The following PDE4B variants were observed in gnomAD, a reference collection of about 807,000 sequenced individuals.
PDE4B encodes phosphodiesterase 4B.
In PDE4B, 20 loss-of-function variants were observed where a neutral mutation model predicts 82.2. The ratio of observed to expected loss-of-function variants is 0.24; its 90% CI spans 0.17 to 0.35. The LOEUF is 0.35. Ranked by LOEUF, PDE4B falls within the 10% of genes least tolerant of loss-of-function variation. The pLI is 1.00. For synonymous variants in PDE4B, 320 were observed against 318.9 expected (o/e 1.00, Z -0.04); for missense variants, 655 against 907.2 (o/e 0.72, Z 3.57).
intron 3 of PDE4B, among the ~76,000 whole-genome samples, chr1:65,967,859 G>C (rs866202011): frequency 1.3e-5 from 2 of 152,064 alleles, no homozygotes; most frequent in African/African-American, 4.8e-5. Context: ...TCACACACCA[G>C]GGCCTTTCGA....
At chr1:65,852,179 GTTTAA>G (rs1646339509) in intron 1 of PDE4B, among the ~76,000 whole-genome samples, 1 of 151,768 alleles carries the variant, frequency 6.6e-6, no homozygotes, top group Non-Finnish European at 1.5e-5. Context: ...AGTTTTATTG[GTTTAA>G]TTTGTCTGGT....
At chr1:65,880,258 A>G (rs879833273) in intron 1 of PDE4B, among the ~76,000 whole-genome samples, 1 of 152,212 alleles carries the variant, frequency 6.6e-6, no homozygotes, top group Non-Finnish European at 1.5e-5. Flanking sequence ...CAGAATTTAG[A>G]CAAGGGTGAT....
At chr1:66,038,602 GA>G (rs1408211491) in intron 3 of PDE4B, among the ~76,000 whole-genome samples, 1 of 152,118 alleles carries the variant, frequency 6.6e-6, no homozygotes, top group Non-Finnish European at 1.5e-5. Context: ...AATAGGAAAT[GA>G]AGTTGTAGGA....
intron 1 of PDE4B, among the ~76,000 whole-genome samples, chr1:65,822,285 C>A (rs1012827474): frequency 1.3e-5 from 2 of 152,140 alleles, no homozygotes; most frequent in Non-Finnish European, 2.9e-5. Flanking sequence ...TCTTCTCTCC[C>A]GTGAATGGAT....
chr1:65,802,800 A>G (rs569311609), intron 1 of PDE4B, among the ~76,000 whole-genome samples: 2 of 152,266 alleles, frequency 1.3e-5, no homozygotes, highest in East Asian at 3.9e-4. Context: ...TTGTGTCAAG[A>G]GAGCTGACTG....
At chr1:66,125,254 C>T (rs2101091628) in intron 3 of PDE4B, among the ~76,000 whole-genome samples, 1 of 151,462 alleles carries the variant, frequency 6.6e-6, no homozygotes, top group South Asian at 2.1e-4. Flanking sequence ...ACTTCTGTCT[C>T]CTAGGTTCAA....
intron 3 of PDE4B, among the ~76,000 whole-genome samples, chr1:66,085,627 C>T (rs1455147298): frequency 3.3e-5 from 5 of 152,052 alleles, no homozygotes. Context: ...AGAGGGCCCA[C>T]ATGCAGCTAG....
chr1:66,310,062 G>A (rs1044932178), intron 7 of PDE4B, among the ~76,000 whole-genome samples: 1 of 152,138 alleles, frequency 6.6e-6, no homozygotes, highest in Non-Finnish European at 1.5e-5. Flanking sequence ...CAAAATTCAG[G>A]TGTCAAGGGA....
At chr1:66,312,910 C>T (rs1031605899) in intron 7 of PDE4B, among the ~76,000 whole-genome samples, 1 of 152,234 alleles carries the variant, frequency 6.6e-6, no homozygotes, top group Non-Finnish European at 1.5e-5. Context: ...TTTACCTCTG[C>T]TCTGTAGCAC....
At chr1:66,347,627 A>C (rs1158705267) in intron 8 of PDE4B, among the ~76,000 whole-genome samples, 2 of 152,220 alleles carry the variant, frequency 1.3e-5, no homozygotes, top group African/African-American at 4.8e-5. Flanking sequence ...AGAAATCGCT[A>C]ATCTAGAAGT....
chr1:66,372,859 C>CG lies in PDE4B; in HGVS notation c.*183dup. ...GCAAATAGCAGCTCAGGAAATCCCA[C>CG]GGTTGACTTGCCTTGATGGCAAGCT... On this transcript the variant is annotated 3_prime_UTR_variant, in exon 17 of 17. Coordinates refer to ENST00000341517, the MANE Select transcript of PDE4B (RefSeq NM_002600.4). The CG allele has an allele frequency of 3.4e-6, 2 of 594,508 alleles. No individual in the cohort carries two copies. Among genetic ancestry groups the CG allele is most frequent in the Non-Finnish European group, 5.8e-6 (2 of 344,058 alleles). 36.8% of individuals were successfully genotyped at this position (594,508 alleles called of 1,614,324 possible).
intron 1 of PDE4B, among the ~76,000 whole-genome samples, chr1:65,910,899 G>C (rs1376582669): frequency 6.6e-6 from 1 of 152,114 alleles, no homozygotes; most frequent in Non-Finnish European, 1.5e-5. Context: ...GGGCAGATGA[G>C]GAATATCCAG....
In PDE4B at chr1:65,927,693, G is replaced by C. The variant is rs141375004; in HGVS notation, c.281+8858G>C. Among the ~76,000 whole-genome samples the C allele has an allele frequency of 1.2e-3, 184 of 152,030 alleles. 1 individual carries two copies. The highest frequency in any genetic ancestry group is 4.3e-3 in the African/African-American group (180 of 41,446). On this transcript the variant is annotated intron_variant, in intron 3 of 16. Transcript: ENST00000341517. ...TCGTGCTTCTTTCAAGTCCTTGATA[G>C]TGGCACTAATCTCCACAGTCCCTCC...
chr1:65,822,829 A>G (rs1645969490), intron 1 of PDE4B, among the ~76,000 whole-genome samples: 1 of 152,156 alleles, frequency 6.6e-6, no homozygotes, highest in Admixed American at 6.5e-5. Flanking sequence ...GGACTTCCCA[A>G]TCTCCAAAAC....
At chr1:65,894,036 G>A (rs974285983) in intron 1 of PDE4B, among the ~76,000 whole-genome samples, 4 of 151,968 alleles carry the variant, frequency 2.6e-5, no homozygotes, top group Non-Finnish European at 5.9e-5. Flanking sequence ...ACTACATATT[G>A]GGCACAGTGT....
chr1:66,062,792 T>C (rs1655646154), intron 3 of PDE4B: 1 of 152,138 alleles, frequency 6.6e-6, no homozygotes, highest in East Asian at 1.9e-4. Context: ...TCAGTATCTG[T>C]ATTGCATTAA....
At chr1:66,119,376 A>G (rs1269954467) in intron 3 of PDE4B, among the ~76,000 whole-genome samples, 1 of 152,174 alleles carries the variant, frequency 6.6e-6, no homozygotes, top group African/African-American at 2.4e-5. Context: ...ACCTTTTAAG[A>G]CCATTATTAT....
chr1:66,229,164 T>C (rs12726571), intron 3 of PDE4B, among the ~76,000 whole-genome samples: 85,864 of 150,550 alleles, frequency 0.57, 24,802 homozygotes, highest in Non-Finnish European at 0.6. Context: ...CCCACCACCA[T>C]GCCCGGCTAA....
chr1:65,970,209 A>C (rs1199678131), intron 3 of PDE4B, among the ~76,000 whole-genome samples: 1 of 142,696 alleles, frequency 7.0e-6, no homozygotes, highest in Admixed American at 7.4e-5. Flanking sequence ...AGAATTTACA[A>C]ATATTTTCTT....
Sources: allele counts gnomAD v4.1 joint callset (sites outside exome capture counted in the v4.1 genomes callset), GRCh38; gene constraint gnomAD v4.1.1; transcripts MANE v1.5; gene names NCBI Gene and HGNC (gene_info 2026-07-23, HGNC 2026-07-21).